The following ZNF407 variants were observed in gnomAD, a reference collection of about 807,000 sequenced individuals.
ZNF407 encodes the protein zinc finger protein 407.
Under a neutral mutation model 131.2 loss-of-function variants are expected in ZNF407, and 17 were observed. The ratio of observed to expected loss-of-function variants is 0.13; its 90% CI spans 0.09 to 0.19. ZNF407 has a LOEUF of 0.19. ZNF407 is among the 10% of genes least tolerant of loss of function. ZNF407 has a pLI of 1.00. For missense variants in ZNF407, 2,681 were observed against 2,830.6 expected, an observed-to-expected ratio of 0.95 and a Z score of 1.20; for synonymous variants, 1,156 against 1,062.0, an observed-to-expected ratio of 1.09 and a Z score of -1.72.
At chr18:74,679,395 T>G (rs184239145) in intron 3 of ZNF407, among the ~76,000 whole-genome samples, 81 of 152,350 alleles carry the variant, frequency 5.3e-4, no homozygotes, top group African/African-American at 1.8e-3. Flanking sequence ...ACACATCTTG[T>G]CAGCAAGTGT....
chr18:74,698,127 T>G (rs1017869701), intron 3 of ZNF407, among the ~76,000 whole-genome samples: 11 of 152,224 alleles, frequency 7.2e-5, no homozygotes, highest in Non-Finnish European at 1.5e-4. Flanking sequence ...TTGATAAGAT[T>G]GTTTTTCCTT....
At chr18:74,914,539 T>A (rs1599238987) in intron 7 of ZNF407, among the ~76,000 whole-genome samples, 1 of 152,218 alleles carries the variant, frequency 6.6e-6, no homozygotes, top group Non-Finnish European at 1.5e-5. Context: ...TGTGTTTATG[T>A]GCGCTTACCT....
chr18:74,941,007 G>C (rs1972092039), intron 8 of ZNF407, among the ~76,000 whole-genome samples: 1 of 152,126 alleles, frequency 6.6e-6, no homozygotes, highest in Non-Finnish European at 1.5e-5. Flanking sequence ...TGTTAGCTCG[G>C]GGTGACCTAA....
intron 6 of ZNF407, among the ~76,000 whole-genome samples, chr18:74,881,915 C>A (rs1210019139): frequency 6.6e-6 from 1 of 152,112 alleles, no homozygotes; most frequent in Admixed American, 6.5e-5. Context: ...ACAATCATGG[C>A]GGAAGGTGAA....
intron 8 of ZNF407, among the ~76,000 whole-genome samples, chr18:75,031,430 A>G (rs1173003471): frequency 6.6e-6 from 1 of 152,148 alleles, no homozygotes; most frequent in Admixed American, 6.5e-5. Flanking sequence ...TTTTTTATGT[A>G]AAGGACATTG....
intron 3 of ZNF407, among the ~76,000 whole-genome samples, chr18:74,778,166 C>T (rs571715317): frequency 6.6e-5 from 10 of 152,278 alleles, no homozygotes; most frequent in African/African-American, 1.2e-4. Flanking sequence ...TATTCTCACC[C>T]GCCCTCTTTT....
intron 4 of ZNF407, among the ~76,000 whole-genome samples, chr18:74,808,017 A>G (rs938770905): frequency 2.1e-5 from 3 of 144,428 alleles, no homozygotes; most frequent in African/African-American, 7.6e-5. Flanking sequence ...AGCACCTCAC[A>G]TTTTTTTTTT....
Position 74,634,100 on chromosome 18 carries a change from C to A in ZNF407, c.3081C>A (p.His1027Gln). The A allele has an allele frequency of 6.2e-7, 1 of 1,614,054 alleles. No homozygotes were observed. The highest frequency in any genetic ancestry group is 8.5e-7 in the Non-Finnish European group (1 of 1,179,902). ...GTTTGCACTGTGAGTTTAGTGCTCA[C>A]TCCTCTGCTTCTCTAGAGCTGCATG... ...NKCLHCEFSA[H>Q]SSASLELHVK... The change falls in exon 2 of 9, where the codon CAC becomes CAA. Residue 1027 changes from histidine (H) to glutamine (Q), a missense_variant. By Grantham distance (24) the His-to-Gln change is conservative. Transcript: ENST00000299687.
At chr18:74,724,378 A>G (rs544690297) in intron 3 of ZNF407, among the ~76,000 whole-genome samples, 204 of 152,252 alleles carry the variant, frequency 1.3e-3, no homozygotes, top group African/African-American at 4.6e-3. Flanking sequence ...TTTGAAATAC[A>G]CTATTATTAA....
rs1159933878 is a variant in ZNF407, at chr18:74,877,128, G to A, written c.4878-69G>A. 9.0e-6 allele frequency: 13 copies of A among 1,452,032 alleles called. No individual in the cohort carries two copies. The South Asian group carries it at 9.3e-5, about 10-fold the overall frequency. 89.9% of individuals were successfully genotyped at this position (1,452,032 alleles called of 1,614,324 possible). ...GCACCGCACCTCAGGGTTCGCACAC[G>A]CGCTGCCTGGGGCCTTCGGTGCTGG... On this transcript the variant is annotated intron_variant, in intron 4 of 8. Transcript: ENST00000299687.
chr18:74,916,781 A>AGTGTGTGTGTGTGTGT (rs375090606), intron 7 of ZNF407, among the ~76,000 whole-genome samples: 8 of 87,984 alleles, frequency 9.1e-5, no homozygotes, highest in African/African-American at 4.1e-4. Flanking sequence ...TCGAATCGGG[A>AGTGTGTGTGTGTGTGT]GTGTGTGTGT....
chr18:75,019,629 T>A (rs1470007948), intron 8 of ZNF407, among the ~76,000 whole-genome samples: 1 of 152,122 alleles, frequency 6.6e-6, no homozygotes, highest in Non-Finnish European at 1.5e-5. Context: ...CCCCACCTGT[T>A]AGTCACCTAT....
At chr18:75,018,296 A>G (rs550640665) in intron 8 of ZNF407, among the ~76,000 whole-genome samples, 1 of 152,144 alleles carries the variant, frequency 6.6e-6, no homozygotes, top group African/African-American at 2.4e-5. Flanking sequence ...ATAAATATTG[A>G]AATACTTATA....
intron 8 of ZNF407, among the ~76,000 whole-genome samples, chr18:75,034,860 A>G (rs528001160): frequency 1.3e-5 from 2 of 152,288 alleles, no homozygotes; most frequent in East Asian, 3.9e-4. Flanking sequence ...GACATGTGGG[A>G]GGTTAATGTA....
At chr18:74,842,653 T>A (rs1270822360) in intron 4 of ZNF407, among the ~76,000 whole-genome samples, 2 of 152,078 alleles carry the variant, frequency 1.3e-5, no homozygotes, top group Non-Finnish European at 2.9e-5. Flanking sequence ...TTTGACCTGT[T>A]GAGTGTGTCA....
chr18:74,616,921 GCACCATA>G (rs1436920708), intron 1 of ZNF407, among the ~76,000 whole-genome samples: 10 of 2,502 alleles, frequency 4.0e-3, no homozygotes, highest in Admixed American at 0.017. Context: ...CCATATCCAC[GCACCATA>G]CACATCCATA....
At chr18:74,849,159 A>G (rs1397648855) in intron 4 of ZNF407, among the ~76,000 whole-genome samples, 1 of 137,268 alleles carries the variant, frequency 7.3e-6, no homozygotes, top group Non-Finnish European at 1.6e-5. Context: ...GCTCACTGCA[A>G]CCTCCGCCTC....
intron 4 of ZNF407, among the ~76,000 whole-genome samples, chr18:74,831,011 C>T (rs530959041): frequency 6.6e-6 from 1 of 152,278 alleles, no homozygotes; most frequent in East Asian, 1.9e-4. Context: ...GGAGTGAGAA[C>T]ATGCAGAGTT....
intron 8 of ZNF407, among the ~76,000 whole-genome samples, chr18:75,045,216 T>C (rs1418559003): frequency 6.6e-6 from 1 of 152,150 alleles, no homozygotes; most frequent in Non-Finnish European, 1.5e-5. Flanking sequence ...GATGTGATCG[T>C]CTCAGCAGAA....
Sources: gnomAD v4.1 joint callset for allele counts (sites outside exome capture counted in the v4.1 genomes callset) on GRCh38, gnomAD v4.1.1 for gene constraint, MANE v1.5 for transcripts, NCBI Gene and HGNC (gene_info 2026-07-23, HGNC 2026-07-21) for gene names.